The following ARPP21 variants were observed in gnomAD, a reference collection of about 807,000 sequenced individuals.
ARPP21 encodes cAMP-regulated phosphoprotein 21.
ARPP21 carries 69 observed loss-of-function variants against 113.2 expected under a neutral mutation model. The ratio of observed to expected loss-of-function variants is 0.61; its 90% CI spans 0.50 to 0.74. The LOEUF is 0.74. ARPP21 is among the 30% of genes least tolerant of loss of function. The pLI is 0.00. For synonymous variants in ARPP21, 368 were observed against 375.5 expected (o/e 0.98, Z 0.23); for missense variants, 1,070 against 1,037.4 (o/e 1.03, Z -0.43).
At chr3:35,644,040 G>A (rs1323801678) in intron 1 of ARPP21, among the ~76,000 whole-genome samples, 1 of 151,866 alleles carries the variant, frequency 6.6e-6, no homozygotes, top group African/African-American at 2.4e-5. Flanking sequence ...CTACATTTCT[G>A]TGGACTTGTA....
chr3:35,769,011 A>T (rs2096092070), intron 19 of ARPP21, among the ~76,000 whole-genome samples: 1 of 152,158 alleles, frequency 6.6e-6, no homozygotes, highest in South Asian at 2.1e-4. Context: ...GATTATCAAT[A>T]ATCCTTGAAG....
In ARPP21 at chr3:35,715,597, A is replaced by C. The variant is rs946286000; in HGVS notation, c.935+121A>C. ...CTTGAATATATGTATTAGCAGATAC[A>C]TATATCTATGCGTACACACATATAT... On this transcript the variant is annotated intron_variant, in intron 12 of 20. Coordinates refer to ENST00000684406, the MANE Select transcript of ARPP21 (RefSeq NM_001385562.1). 71 of 748,000 alleles carry C rather than the reference A, an allele frequency of 9.5e-5. No homozygotes were observed. The African/African-American group carries it at 1.1e-3, about 11-fold the overall frequency. 46.3% of individuals were successfully genotyped at this position (748,000 alleles called of 1,614,324 possible).
intron 15 of ARPP21, among the ~76,000 whole-genome samples, chr3:35,732,413 C>G (rs1276171686): frequency 6.6e-6 from 1 of 152,196 alleles, no homozygotes; most frequent in African/African-American, 2.4e-5. Context: ...GACCTCTTGC[C>G]TGTTCTTTCT....
intron 1 of ARPP21, among the ~76,000 whole-genome samples, chr3:35,646,956 TTTTG>T (rs1700475077): frequency 6.6e-6 from 1 of 152,156 alleles, no homozygotes; most frequent in Non-Finnish European, 1.5e-5. Context: ...CACAACACTT[TTTTG>T]TGTGGAGATT....
At chr3:35,696,816 C>G (rs1388572142) in intron 9 of ARPP21, among the ~76,000 whole-genome samples, 2 of 151,540 alleles carry the variant, frequency 1.3e-5, no homozygotes, top group African/African-American at 4.8e-5. Flanking sequence ...TTAAATGCCA[C>G]AAATATGTGT....
chr3:35,775,209 G>C lies in ARPP21; in HGVS notation c.2138-17173G>C, dbSNP rs148208135. On this transcript the variant is annotated intron_variant, in intron 19 of 20. Coordinates refer to ENST00000684406, the MANE Select transcript of ARPP21 (RefSeq NM_001385562.1). ...TGTTTTGAACCTAATTAGATGCCAA[G>C]CTGTTTTAAATAGTTTTAATCCCTT... 2.9e-3 allele frequency among the ~76,000 whole-genome samples: 435 copies of C among 152,204 alleles called. 1 individual carries two copies. The highest frequency in any genetic ancestry group is 7.4e-3 in the African/African-American group (307 of 41,554).
intron 1 of ARPP21, among the ~76,000 whole-genome samples, chr3:35,658,570 T>C (rs185591320): frequency 7.2e-5 from 11 of 152,218 alleles, no homozygotes; most frequent in Admixed American, 2.0e-4. Context: ...TCAATTTCTC[T>C]TGGTTACAAA....
intron 19 of ARPP21, among the ~76,000 whole-genome samples, chr3:35,770,289 G>C (rs1441165978): frequency 6.6e-6 from 1 of 151,976 alleles, no homozygotes; most frequent in Non-Finnish European, 1.5e-5. Flanking sequence ...TCATCAACTT[G>C]TCCTAGGAAA....
Position 35,654,595 on chromosome 3 carries a change from C to T in ARPP21, c.-213+14197C>T, listed in dbSNP as rs185579245. The stretch of plus-strand genomic sequence containing the variant: ...AGATTGTTTGTCCTCAATTTGTTTT[C>T]TGCCAAGCAAACCAAACACCTGGAA... On this transcript the variant is annotated intron_variant, in intron 1 of 20. Transcript: ENST00000684406. Among the ~76,000 whole-genome samples the T allele has an allele frequency of 3.2e-3, 492 of 152,218 alleles. 3 individuals are homozygous for T. The highest frequency in any genetic ancestry group is 6.8e-3 in the Middle Eastern group (2 of 294).
intron 19 of ARPP21, among the ~76,000 whole-genome samples, chr3:35,773,869 C>T (rs182427328): frequency 6.6e-6 from 1 of 152,194 alleles, no homozygotes; most frequent in Admixed American, 6.5e-5. Flanking sequence ...AATATGGGCA[C>T]TTGTAGCTTT....
chr3:35,688,149 T>C (rs1169563774), intron 6 of ARPP21, among the ~76,000 whole-genome samples: 1 of 151,578 alleles, frequency 6.6e-6, no homozygotes, highest in Non-Finnish European at 1.5e-5. Context: ...GTGACAAGCT[T>C]GTACAAGGAA....
At chr3:35,789,692 C>T (rs1253430862) in intron 19 of ARPP21, among the ~76,000 whole-genome samples, 1 of 152,202 alleles carries the variant, frequency 6.6e-6, no homozygotes, top group African/African-American at 2.4e-5. Flanking sequence ...AGGGCAGCTG[C>T]ATCTGGGCTG....
intron 5 of ARPP21, among the ~76,000 whole-genome samples, chr3:35,686,297 T>C (rs2080548534): frequency 6.6e-6 from 1 of 151,720 alleles, no homozygotes; most frequent in Non-Finnish European, 1.5e-5. Context: ...GACATTTCTG[T>C]CCCAAACTGC....
intron 15 of ARPP21, among the ~76,000 whole-genome samples, chr3:35,730,847 T>C (rs2093909646): frequency 1.3e-5 from 2 of 152,220 alleles, no homozygotes; most frequent in African/African-American, 4.8e-5. Flanking sequence ...TGGTGTTTGA[T>C]TGAGACATAT....
chr3:35,751,038 G>A (rs148328339), intron 19 of ARPP21, among the ~76,000 whole-genome samples: 18 of 152,254 alleles, frequency 1.2e-4, no homozygotes, highest in Non-Finnish European at 2.5e-4. Flanking sequence ...TCAACAATCT[G>A]CCTTCCTAAT....
intron 1 of ARPP21, among the ~76,000 whole-genome samples, chr3:35,678,308 G>A (rs2149415707): frequency 6.6e-6 from 1 of 151,946 alleles, no homozygotes; most frequent in East Asian, 2.0e-4. Flanking sequence ...ATTCAACTTG[G>A]AAAAAGTACA....
chr3:35,757,384 A>G (rs2151208372), intron 19 of ARPP21, among the ~76,000 whole-genome samples: 1 of 152,158 alleles, frequency 6.6e-6, no homozygotes, highest in Admixed American at 6.6e-5. Context: ...ATCTTGATGA[A>G]TAATTCAATT....
intron 11 of ARPP21, among the ~76,000 whole-genome samples, chr3:35,712,697 G>T (rs2091538610): frequency 6.6e-6 from 1 of 151,882 alleles, no homozygotes; most frequent in Non-Finnish European, 1.5e-5. Context: ...TTTGAGATAA[G>T]ACAAATTTCT....
intron 19 of ARPP21, among the ~76,000 whole-genome samples, chr3:35,780,598 C>A (rs925115500): frequency 6.6e-6 from 1 of 151,970 alleles, no homozygotes; most frequent in African/African-American, 2.4e-5. Flanking sequence ...AATGAGTGGG[C>A]TAAACAATAG....
Sources: allele counts gnomAD v4.1 joint callset (sites outside exome capture counted in the v4.1 genomes callset), GRCh38; gene constraint gnomAD v4.1.1; transcripts MANE v1.5; gene names NCBI Gene and HGNC (gene_info 2026-07-23, HGNC 2026-07-21).